CDC42BPA: variants seen among roughly 807,000 people sequenced by gnomAD.
CDC42BPA encodes the protein serine/threonine-protein kinase MRCK alpha.
A neutral mutation model predicts 223.5 loss-of-function variants in CDC42BPA; 80 were observed. That is an observed-to-expected ratio of 0.36 (90% CI 0.30 to 0.43). The LOEUF (loss-of-function observed/expected upper bound fraction) is 0.43. CDC42BPA is among the 20% of genes least tolerant of loss of function. The pLI, the probability that CDC42BPA is intolerant of heterozygous loss-of-function variation, is 1.00. For missense variants in CDC42BPA, 1,743 were observed against 2,099.9 expected, an observed-to-expected ratio of 0.83 and a Z score of 3.32; for synonymous variants, 694 against 718.6, an observed-to-expected ratio of 0.97 and a Z score of 0.55.
intron 2 of CDC42BPA, among the ~76,000 whole-genome samples, chr1:227,249,282 CA>C (rs1176190428): frequency 6.6e-6 from 1 of 152,132 alleles, no homozygotes; most frequent in Non-Finnish European, 1.5e-5. Flanking sequence ...AAAAACAAAT[CA>C]AAATGGATTA....
At position 227,190,292 on chromosome 1, in the gene CDC42BPA, T is replaced by C. The variant is rs9919145; in HGVS notation, c.599+3494A>G. 9.7e-3 allele frequency among the ~76,000 whole-genome samples: 1,483 copies of C among 152,314 alleles called. 24 individuals carry two copies. Among genetic ancestry groups the C allele is most frequent in the African/African-American group, 0.034 (1,407 of 41,556 alleles). On this transcript the variant is annotated intron_variant, in intron 5 of 36. Coordinates refer to ENST00000366766, the MANE Select transcript of CDC42BPA (RefSeq NM_001394014.1). ...CTGGAGACAAGCCTGACTTAGATTT[T>C]AATCTAGGCTATGCTACTTACTAAC...
chr1:227,276,482 C>T (rs1473143879), intron 1 of CDC42BPA, among the ~76,000 whole-genome samples: 1 of 151,270 alleles, frequency 6.6e-6, no homozygotes, highest in East Asian at 2.0e-4. Flanking sequence ...CCAGCCGCCC[C>T]GTTCGGGAGG....
rs1668621433 is a variant in CDC42BPA at position 227,028,181 on chromosome 1, A to G, written c.4432+476T>C. ...TCTTAATATTTCTTGAAGGGGTAAA[A>G]TAAGCAATTATAAATATCTACCCAT... On this transcript the variant is annotated intron_variant, in intron 30 of 36. Transcript: ENST00000366766. Among the ~76,000 whole-genome samples, 3 of 152,184 alleles carry G rather than the reference A, an allele frequency of 2.0e-5. No individual in the cohort carries two copies. In the South Asian group the frequency reaches 6.2e-4, roughly 32 times the overall value.
At position 227,196,505 on chromosome 1, in the gene CDC42BPA, A is replaced by AG. The variant is rs764003874; in HGVS notation, c.451-2572_451-2571insC. 3.6e-3 allele frequency among the ~76,000 whole-genome samples: 552 copies of AG among 151,696 alleles called. 2 individuals carry two copies. The highest frequency in any genetic ancestry group is 6.1e-3 in the Non-Finnish European group (412 of 67,886). On this transcript the variant is annotated intron_variant, in intron 4 of 36. Coordinates refer to ENST00000366766, the MANE Select transcript of CDC42BPA (RefSeq NM_001394014.1). ...CAGGCGCCCACCACCACACCCGGCT[A>AG]ATTTTTTGTATTTTTAGTAGAGACC... is the stretch of plus-strand genomic sequence containing the variant.
At chr1:227,265,007 C>G (rs1684739731) in intron 1 of CDC42BPA, 1 of 816,744 alleles carries the variant, frequency 1.2e-6, no homozygotes, top group Admixed American at 1.7e-5. Context: ...TACATTCTTT[C>G]TGCAATTTCT....
At chr1:227,036,721 C>G (rs919682175) in intron 24 of CDC42BPA, among the ~76,000 whole-genome samples, 4 of 152,094 alleles carry the variant, frequency 2.6e-5, no homozygotes, top group African/African-American at 9.7e-5. Context: ...TGAGCCACCG[C>G]GCCCGGCCTT....
At chr1:227,208,778 G>A (rs1261930773) in intron 3 of CDC42BPA, among the ~76,000 whole-genome samples, 10 of 152,168 alleles carry the variant, frequency 6.6e-5, no homozygotes, top group African/African-American at 2.4e-4. Flanking sequence ...ATAGTTTGAA[G>A]TCAGGCAGTG....
chr1:227,184,491 T>C (rs1668444489), intron 5 of CDC42BPA, among the ~76,000 whole-genome samples: 3 of 152,108 alleles, frequency 2.0e-5, no homozygotes, highest in Admixed American at 2.0e-4. Flanking sequence ...TTAGCCTACA[T>C]CTGGGCTTGC....
intron 5 of CDC42BPA, among the ~76,000 whole-genome samples, chr1:227,161,289 T>C (rs1020619354): frequency 6.6e-6 from 1 of 152,216 alleles, no homozygotes; most frequent in African/African-American, 2.4e-5. Context: ...AATAATCATA[T>C]ATAAAATGGT....
At chr1:227,104,201 G>A (rs1362746265) in intron 14 of CDC42BPA, among the ~76,000 whole-genome samples, 1 of 151,914 alleles carries the variant, frequency 6.6e-6, no homozygotes, top group African/African-American at 2.4e-5. Flanking sequence ...TTGGCCTCTC[G>A]TATTTGCAAA....
rs184292984 is a variant in CDC42BPA at position 227,284,554 on chromosome 1, C to T, written c.179-30399G>A. On this transcript the variant is annotated intron_variant, in intron 1 of 36. Transcript: ENST00000366766. ...GCACTGGAGAGAATGTACACATTTT[C>T]TTAATCTATGATTCCTAAAGAAATA... Among the ~76,000 whole-genome samples the T allele has an allele frequency of 6.0e-3, 914 of 152,270 alleles. 10 individuals are homozygous for T. Among genetic ancestry groups the T allele is most frequent in the African/African-American group, 0.021 (861 of 41,544 alleles).
In CDC42BPA at chr1:227,148,265, G is replaced by A. The variant is rs183895213; in HGVS notation, c.694-706C>T. 5.3e-5 allele frequency among the ~76,000 whole-genome samples: 8 copies of A among 151,966 alleles called. No homozygotes were observed. In the East Asian group the frequency reaches 1.6e-3, roughly 29 times the overall value. ...GGCCCAGGAGTTTGAGACAAGCCTG[G>A]GCAACACAGCAAGACCCTATCTCTG... On this transcript the variant is annotated intron_variant, in intron 6 of 36. Coordinates refer to ENST00000366766, the MANE Select transcript of CDC42BPA (RefSeq NM_001394014.1).
chr1:227,112,070 A>T, intron 14 of CDC42BPA: 1 of 323,556 alleles, frequency 3.1e-6, no homozygotes, highest in Non-Finnish European at 5.6e-6. Context: ...AGGTCTGCAT[A>T]AACATTCTAA....
At chr1:227,145,827 T>G in intron 7 of CDC42BPA, 90 bp from the exon 8 acceptor site, 1 of 960,164 alleles carries the variant, frequency 1.0e-6, no homozygotes, top group Non-Finnish European at 1.5e-6. Context: ...AAAATACATT[T>G]TATTTTAAAT....
intron 2 of CDC42BPA, among the ~76,000 whole-genome samples, chr1:227,230,820 C>CTTTTTTTTTTTTTTTT (rs1198828997): frequency 5.5e-5 from 5 of 91,602 alleles, no homozygotes; most frequent in Non-Finnish European, 8.4e-5. Flanking sequence ...TTCTTTCTTT[C>CTTTTTTTTTTTTTTTT]TTTTTTTTTT....
chr1:227,210,020 T>A (rs1426731685), intron 3 of CDC42BPA, among the ~76,000 whole-genome samples: 1 of 151,758 alleles, frequency 6.6e-6, no homozygotes, highest in Non-Finnish European at 1.5e-5. Flanking sequence ...TATTGATTAT[T>A]GCCACAATTT....
At chr1:227,089,733 T>C (rs1044989848) in intron 16 of CDC42BPA, among the ~76,000 whole-genome samples, 2 of 151,764 alleles carry the variant, frequency 1.3e-5, no homozygotes, top group African/African-American at 4.8e-5. Context: ...CTCATGGATG[T>C]ATTAGACTGC....
chr1:227,068,030 T>G (rs145350195), intron 21 of CDC42BPA, among the ~76,000 whole-genome samples: 5 of 152,118 alleles, frequency 3.3e-5, no homozygotes, highest in Middle Eastern at 3.8e-3. Context: ...AATTATTAAA[T>G]TGATAGAATT....
chr1:227,029,894 G>C (rs905707463), intron 29 of CDC42BPA, among the ~76,000 whole-genome samples: 1 of 151,606 alleles, frequency 6.6e-6, no homozygotes, highest in Non-Finnish European at 1.5e-5. Context: ...CAGCACTTTG[G>C]GAGGCCAAGG....
Sources: gnomAD v4.1 joint callset for allele counts (sites outside exome capture counted in the v4.1 genomes callset) on GRCh38, gnomAD v4.1.1 for gene constraint, MANE v1.5 for transcripts, NCBI Gene and HGNC (gene_info 2026-07-23, HGNC 2026-07-21) for gene names.